Variants in ZNRF1 observed in about 807,000 individuals in gnomAD.
ZNRF1 encodes E3 ubiquitin-protein ligase ZNRF1.
In ZNRF1, 3 loss-of-function variants were observed where a neutral mutation model predicts 18.4. The ratio of observed to expected loss-of-function variants is 0.16; its 90% CI spans 0.07 to 0.42. ZNRF1 has a LOEUF of 0.42. ZNRF1 is among the 10% of genes least tolerant of loss of function. The pLI is 0.99. For synonymous variants in ZNRF1, 157 were observed against 144.2 expected (o/e 1.09, Z -0.64); for missense variants, 310 against 329.8 (o/e 0.94, Z 0.47).
chr16:75,013,519 G>A lies in ZNRF1; in HGVS notation c.424+13424G>A, dbSNP rs553213516. Among the ~76,000 whole-genome samples, 51 of 152,054 alleles carry A rather than the reference G, an allele frequency of 3.4e-4. No individual in the cohort carries two copies. In the South Asian group the frequency reaches 9.8e-3, roughly 29 times the overall value. ...ATGCCACCATGCCTAGCTAATTTTT[G>A]TATTTTTAGGAGAGATGGGGTTTTA... On this transcript the variant is annotated intron_variant, in intron 1 of 4. Transcript: ENST00000335325.
At chr16:75,096,171 G>C (rs933076163) in intron 2 of ZNRF1, among the ~76,000 whole-genome samples, 1 of 151,972 alleles carries the variant, frequency 6.6e-6, no homozygotes, top group Non-Finnish European at 1.5e-5. Flanking sequence ...GGCAAAGAGA[G>C]GCCAGTTGTC....
chr16:75,074,148 C>G (rs2145404135), intron 1 of ZNRF1, among the ~76,000 whole-genome samples: 1 of 152,284 alleles, frequency 6.6e-6, no homozygotes, highest in African/African-American at 2.4e-5. Context: ...CCACAGACTG[C>G]TAGTCTGTTC....
At chr16:75,102,794 G>T (rs898704167) in intron 2 of ZNRF1, among the ~76,000 whole-genome samples, 1 of 152,120 alleles carries the variant, frequency 6.6e-6, no homozygotes, top group Non-Finnish European at 1.5e-5. Flanking sequence ...CTCAGAATCC[G>T]TCCCTTCCTT....
At chr16:75,062,365 C>T (rs1236311804) in intron 1 of ZNRF1, among the ~76,000 whole-genome samples, 1 of 152,242 alleles carries the variant, frequency 6.6e-6, no homozygotes, top group Non-Finnish European at 1.5e-5. Context: ...AAGTTTCCAT[C>T]GACAGTGGCT....
intron 1 of ZNRF1, among the ~76,000 whole-genome samples, chr16:75,032,098 T>A (rs2035312898): frequency 1.3e-5 from 2 of 150,248 alleles, no homozygotes; most frequent in African/African-American, 4.9e-5. Context: ...CATCTTTTCT[T>A]GTGAGGTTTT....
At chr16:75,062,498 A>T (rs556786119) in intron 1 of ZNRF1, among the ~76,000 whole-genome samples, 70 of 152,358 alleles carry the variant, frequency 4.6e-4, no homozygotes, top group African/African-American at 1.7e-3. Flanking sequence ...CTGTGTCTTT[A>T]CCTTTCCACA....
At chr16:75,091,426 A>C (rs185652663) in intron 1 of ZNRF1, among the ~76,000 whole-genome samples, 18 of 152,132 alleles carry the variant, frequency 1.2e-4, no homozygotes, top group Admixed American at 1.0e-3. Flanking sequence ...AAAACTGCAT[A>C]TGGAAAATTT....
At chr16:75,020,179 A>G (rs565793186) in intron 1 of ZNRF1, among the ~76,000 whole-genome samples, 51 of 152,284 alleles carry the variant, frequency 3.3e-4, no homozygotes, top group African/African-American at 1.2e-3. Flanking sequence ...TATCCCTAAC[A>G]GTACTTTTTC....
Position 75,007,934 on chromosome 16 carries a change from C to T in ZNRF1, c.424+7839C>T, listed in dbSNP as rs372418620. Among the ~76,000 whole-genome samples, 20 of 152,192 alleles carry T rather than the reference C, an allele frequency of 1.3e-4. 2 individuals carry two copies. Among genetic ancestry groups the T allele is most frequent in the South Asian group, 1.0e-3 (5 of 4,820 alleles). On this transcript the variant is annotated intron_variant, in intron 1 of 4. Transcript: ENST00000335325. The stretch of plus-strand genomic sequence containing the variant: ...GGGCTGGAGTGCAATAGCAAGATCA[C>T]GCTCACTGCAGCCTGGAACTCCTGG...
chr16:75,006,366 ACTAAGG>A (rs2034916960), intron 1 of ZNRF1, among the ~76,000 whole-genome samples: 3 of 152,322 alleles, frequency 2.0e-5, no homozygotes, highest in African/African-American at 7.2e-5. Context: ...ACAGTGGATC[ACTAAGG>A]TTGTGGTTCT....
At chr16:75,090,681 TGGCGACTGTGCCATGGA>T (rs2036126958) in intron 1 of ZNRF1, among the ~76,000 whole-genome samples, 1 of 152,104 alleles carries the variant, frequency 6.6e-6, no homozygotes, top group South Asian at 2.1e-4. Flanking sequence ...GTTGGGGAAA[TGGCGACTGTGCCATGGA>T]GTCAACTGTC....
intron 1 of ZNRF1, among the ~76,000 whole-genome samples, chr16:75,021,206 A>C (rs914985578): frequency 1.3e-5 from 2 of 151,904 alleles, no homozygotes; most frequent in East Asian, 3.9e-4. Context: ...ATGCCGGGCT[A>C]ATTTCTGTGT....
chr16:75,063,169 C>T (rs894659937), intron 1 of ZNRF1, among the ~76,000 whole-genome samples: 1 of 152,154 alleles, frequency 6.6e-6, no homozygotes, highest in Non-Finnish European at 1.5e-5. Flanking sequence ...TGGATGAGAA[C>T]GTACCTGTTG....
chr16:75,072,854 G>T (rs557239004), intron 1 of ZNRF1, among the ~76,000 whole-genome samples: 1 of 152,266 alleles, frequency 6.6e-6, no homozygotes, highest in Non-Finnish European at 1.5e-5. Flanking sequence ...TGTGAGGGAG[G>T]CATTACAATG....
rs199650921 is a variant in ZNRF1, at chr16:75,012,430, G to GC, written c.424+12341dup. The stretch of plus-strand genomic sequence containing the variant: ...CATGGGGAATTTCCTTACTGTCTGT[G>GC]CCCCCCTTTTCCATATGGTCAGCTT... On this transcript the variant is annotated intron_variant, in intron 1 of 4. Coordinates refer to ENST00000335325, the MANE Select transcript of ZNRF1 (RefSeq NM_032268.5). 7.3e-3 allele frequency among the ~76,000 whole-genome samples: 1,117 copies of GC among 152,236 alleles called. 10 individuals carry two copies. The highest frequency in any genetic ancestry group is 0.025 in the African/African-American group (1,045 of 41,538).
intron 1 of ZNRF1, among the ~76,000 whole-genome samples, chr16:75,009,629 T>A (rs1285327092): frequency 6.6e-6 from 1 of 152,216 alleles, no homozygotes; most frequent in Non-Finnish European, 1.5e-5. Context: ...AGACCCTGCT[T>A]TCACTCCTTT....
At chr16:75,016,446 G>A (rs1164525157) in intron 1 of ZNRF1, among the ~76,000 whole-genome samples, 2 of 151,832 alleles carry the variant, frequency 1.3e-5, no homozygotes, top group Admixed American at 1.3e-4. Context: ...CACCATGTTG[G>A]CCAGGCTGGT....
chr16:75,075,265 C>T (rs1332995777), intron 1 of ZNRF1, among the ~76,000 whole-genome samples: 2 of 152,246 alleles, frequency 1.3e-5, no homozygotes, highest in East Asian at 1.9e-4. Context: ...AGGTGGCAGC[C>T]GAAGTAGCTC....
At chr16:75,059,605 G>T (rs2035717926) in intron 1 of ZNRF1, among the ~76,000 whole-genome samples, 1 of 151,864 alleles carries the variant, frequency 6.6e-6, no homozygotes, top group Non-Finnish European at 1.5e-5. Flanking sequence ...GTAGGAACCG[G>T]TTTTTCAGCC....
Sources: allele counts gnomAD v4.1 joint callset (sites outside exome capture counted in the v4.1 genomes callset), GRCh38; gene constraint gnomAD v4.1.1; transcripts MANE v1.5; gene names NCBI Gene and HGNC (gene_info 2026-07-23, HGNC 2026-07-21).